Variants in NKD1 observed in about 807,000 individuals in gnomAD.
The protein encoded by NKD1 is protein naked cuticle homolog 1.
In NKD1, 21 loss-of-function variants were observed where a neutral mutation model predicts 56.0. That is an observed-to-expected ratio of 0.38 (90% confidence interval 0.27 to 0.54). The LOEUF (loss-of-function observed/expected upper bound fraction) is 0.54, where lower values mean the gene tolerates loss of function less well. Ranked by LOEUF, NKD1 falls within the 20% of genes least tolerant of loss-of-function variation. The pLI, the probability that NKD1 is intolerant of heterozygous loss-of-function variation, is 0.82. For missense variants in NKD1, 578 were observed against 642.7 expected (o/e 0.90, Z 1.09); for synonymous variants, 263 against 265.7 (o/e 0.99, Z 0.10).
At chr16:50,571,473 A>G (rs1169425428) in intron 3 of NKD1, 3 of 985,228 alleles carry the variant, frequency 3.0e-6, no homozygotes, top group Non-Finnish European at 3.6e-6. Flanking sequence ...TGCCGCTCAC[A>G]CACCCAAACA....
rs539662714 is a variant in NKD1, at chr16:50,568,736, A to G, written c.192+19181A>G. 1.1e-3 allele frequency among the ~76,000 whole-genome samples: 171 copies of G among 152,182 alleles called. 1 individual carries two copies. The highest frequency in any genetic ancestry group is 1.5e-3 in the Non-Finnish European group (102 of 68,020). On this transcript the variant is annotated intron_variant, in intron 3 of 9. Coordinates refer to ENST00000268459, the MANE Select transcript of NKD1 (RefSeq NM_033119.5). The stretch of plus-strand genomic sequence containing the variant: ...TGAGCTCCAGTCAGCACCTCTGTAC[A>G]TGGAAGGGACTGTTCTTTCTTGGAA...
chr16:50,598,018 A>G lies in NKD1; in HGVS notation c.193-10276A>G, dbSNP rs1317084922. 6.6e-6 allele frequency among the ~76,000 whole-genome samples: 1 copy of G among 152,164 alleles called. No individual in the cohort carries two copies. The highest frequency in any genetic ancestry group is 1.5e-5 in the Non-Finnish European group (1 of 68,028). On this transcript the variant is annotated intron_variant, in intron 3 of 9. Transcript: ENST00000268459. This position sits in a 1 kb window ranked among gnomAD's most constrained non-coding sequence, Gnocchi z 4.2. ...GGAGGGCGCTCCGGGTGAAGGGGAC[A>G]GGATGGTCCAGGGCTGGGAGGCTCC...
Position 50,630,276 on chromosome 16 carries a change from C to T in NKD1, c.553C>T (p.Leu185Phe). The T allele has an allele frequency of 6.2e-7, 1 of 1,614,168 alleles. No homozygotes were observed. Among genetic ancestry groups the T allele is most frequent in the South Asian group, 1.1e-5 (1 of 91,090 alleles). ...PTSSKMLRVKLTVAPDGSQSK... is the reference protein window; with the variant it reads ...PTSSKMLRVKFTVAPDGSQSK... ...ATCCAGCAAGATGCTGCGGGTAAAG[C>T]TCACCGTGGCCCCCGATGGCAGCCA... Residue 185 changes from leucine (L) to phenylalanine (F), a missense_variant, in exon 7 of 10, where the codon CTC (leucine) becomes TTC (phenylalanine). By Grantham distance (22) the Leu-to-Phe change is conservative (BLOSUM62 0). Transcript: ENST00000268459.
At chr16:50,625,153 A>C in intron 5 of NKD1, 1 of 352,412 alleles carries the variant, frequency 2.8e-6, no homozygotes, top group Non-Finnish European at 5.3e-6. Flanking sequence ...TTTGCCTTCT[A>C]GTTGCTTCTT....
intron 3 of NKD1, among the ~76,000 whole-genome samples, chr16:50,566,916 C>G (rs112139949): frequency 1.7e-3 from 261 of 152,268 alleles, no homozygotes; most frequent in African/African-American, 5.7e-3. Context: ...TCTTGTGTCT[C>G]TCTCCTTAGA....
intron 3 of NKD1, among the ~76,000 whole-genome samples, chr16:50,569,323 C>T (rs1051807510): frequency 2.6e-5 from 4 of 152,132 alleles, no homozygotes; most frequent in African/African-American, 7.2e-5. Flanking sequence ...TGTGCAGTTT[C>T]GCCCATGAGA....
intron 3 of NKD1, among the ~76,000 whole-genome samples, chr16:50,561,063 C>T (rs1420491926): frequency 6.6e-6 from 1 of 152,078 alleles, no homozygotes; most frequent in Non-Finnish European, 1.5e-5. Context: ...GGTTTGTTGA[C>T]TTTTGGGCCT....
At chr16:50,584,311 C>T (rs2151270038) in intron 3 of NKD1, among the ~76,000 whole-genome samples, 1 of 152,342 alleles carries the variant, frequency 6.6e-6, no homozygotes, top group African/African-American at 2.4e-5. Context: ...ATCACATTCA[C>T]TACCGTCCCG....
In NKD1 at chr16:50,578,882, A is replaced by G. The variant is rs956160592; in HGVS notation, c.192+29327A>G. Among the ~76,000 whole-genome samples, 3 of 152,292 alleles carry G rather than the reference A, an allele frequency of 2.0e-5. No homozygotes were observed. In the South Asian group the frequency reaches 6.2e-4, roughly 32 times the overall value. The stretch of plus-strand genomic sequence containing the variant: ...TGATCACCTGGAGAAGTCACTTGAC[A>G]TCCATGAGCCTCATCTTTAAAAACA... On this transcript the variant is annotated intron_variant, in intron 3 of 9. Coordinates refer to ENST00000268459, the MANE Select transcript of NKD1 (RefSeq NM_033119.5).
intron 3 of NKD1, chr16:50,570,881 C>T: frequency 2.0e-6 from 2 of 985,382 alleles, no homozygotes; most frequent in Non-Finnish European, 2.4e-6. Flanking sequence ...TGGAATGTGG[C>T]TGGCAGGTAT....
chr16:50,579,348 G>A (rs1385053390), intron 3 of NKD1, among the ~76,000 whole-genome samples: 7 of 145,832 alleles, frequency 4.8e-5, no homozygotes, highest in Admixed American at 1.4e-4. Context: ...CGCATGCACT[G>A]TCTTACTCCT....
intron 4 of NKD1, among the ~76,000 whole-genome samples, chr16:50,615,248 G>T (rs1961934623): frequency 6.6e-6 from 1 of 152,206 alleles, no homozygotes; most frequent in South Asian, 2.1e-4. Context: ...CAACTTCTGG[G>T]TTCAAATCCT....
rs1221977761 is a variant in NKD1, at chr16:50,548,461, G to T, written c.-93G>T. The T allele has an allele frequency of 4.9e-6, 5 of 1,023,156 alleles. No homozygotes were observed. The highest frequency in any genetic ancestry group is 6.5e-6 in the Non-Finnish European group (5 of 770,398). 63.4% of individuals were successfully genotyped at this position (1,023,156 alleles called of 1,614,324 possible). A position where few individuals can be genotyped will look rare whatever the true frequency, so the allele number is the denominator to read the frequency against. ...CCGCCTCGGGCTCCGCTCGGCTCGG[G>T]GGCTGCTTCGGGAGGAGGAGAGCCA... On this transcript the variant is annotated 5_prime_UTR_variant, in exon 1 of 10. Coordinates refer to ENST00000268459, the MANE Select transcript of NKD1 (RefSeq NM_033119.5).
In NKD1 at chr16:50,623,947, A is replaced by G. The variant is rs1962152484; in HGVS notation, c.367-1538A>G. Among the ~76,000 whole-genome samples the G allele has an allele frequency of 6.6e-6, 1 of 152,014 alleles. No homozygotes were observed. Among genetic ancestry groups the G allele is most frequent in the Admixed American group, 6.6e-5 (1 of 15,264 alleles). The stretch of plus-strand genomic sequence containing the variant: ...CAATGAGGGCCCTTGGCAGTTATCA[A>G]ACGGGTGTGGCTGAAGCAAGGTTGG... On this transcript the variant is annotated intron_variant, in intron 5 of 9. Transcript: ENST00000268459. The surrounding 1 kb of genome is among the most constrained non-coding windows in gnomAD (Gnocchi z 4.1).
Position 50,634,037 on chromosome 16 carries a change from G to T in NKD1, c.*256G>T. The T allele has an allele frequency of 2.8e-6, 1 of 353,076 alleles. No homozygotes were observed. Among genetic ancestry groups the T allele is most frequent in the East Asian group, 4.5e-5 (1 of 22,188 alleles). 21.9% of individuals were successfully genotyped at this position (353,076 alleles called of 1,614,324 possible). A position where few individuals can be genotyped will look rare whatever the true frequency, so the allele number is the denominator to read the frequency against. On this transcript the variant is annotated 3_prime_UTR_variant, in exon 10 of 10. Transcript: ENST00000268459. ...TTTGAGTGGCCTGTAATGGGCAGAG[G>T]CTCCCTCGGGGCTCGGGATCTGCAG...
At chr16:50,621,158 G>A (rs529523783) in intron 4 of NKD1, among the ~76,000 whole-genome samples, 13 of 152,380 alleles carry the variant, frequency 8.5e-5, no homozygotes, top group African/African-American at 1.7e-4. Context: ...CCAAGGTGCC[G>A]TAGGCTGTGC....
At chr16:50,555,861 C>G (rs1245548188) in intron 3 of NKD1, 1 of 152,370 alleles carries the variant, frequency 6.6e-6, no homozygotes, top group Non-Finnish European at 1.5e-5. Flanking sequence ...GCCTCCCTGC[C>G]TTCCCTCTCT....
chr16:50,549,917 G>T (rs185987591), intron 3 of NKD1, among the ~76,000 whole-genome samples: 2 of 152,100 alleles, frequency 1.3e-5, no homozygotes, highest in African/African-American at 2.4e-5. Context: ...TAGAGAGAAG[G>T]GGGTATTAGG....
At chr16:50,613,543 C>G (rs958388893) in intron 4 of NKD1, 1 of 152,208 alleles carries the variant, frequency 6.6e-6, no homozygotes, top group East Asian at 1.9e-4. Flanking sequence ...TACAGTCCCC[C>G]CAGAAGCTGA....
Sources: gnomAD v4.1 joint callset for allele counts (sites outside exome capture counted in the v4.1 genomes callset) on GRCh38, gnomAD v4.1.1 for gene constraint, Gnocchi (gnomAD v3.1) non-coding constraint, MANE v1.5 for transcripts, NCBI Gene and HGNC (gene_info 2026-07-23, HGNC 2026-07-21) for gene names.